CNTNAP2: variants seen among roughly 807,000 people sequenced by gnomAD.
The protein encoded by CNTNAP2 is contactin associated protein 2, also known as contactin-associated protein-like 2.
In CNTNAP2, 98 loss-of-function variants were observed where a neutral mutation model predicts 155.2. The ratio of observed to expected loss-of-function variants is 0.63; its 90% confidence interval spans 0.54 to 0.75. The LOEUF (loss-of-function observed/expected upper bound fraction) is 0.75. CNTNAP2 is among the 30% of genes least tolerant of loss of function. The probability of loss-of-function intolerance (pLI) is 0.00; values close to 1 mark genes in which losing one functional copy is unlikely to be tolerated. For missense variants in CNTNAP2, 1,727 were observed against 1,688.1 expected (o/e 1.02, Z -0.40); for synonymous variants, 651 against 631.2 (o/e 1.03, Z -0.47).
At chr7:148,327,576 T>G (rs1797914586) in intron 21 of CNTNAP2, among the ~76,000 whole-genome samples, 1 of 152,154 alleles carries the variant, frequency 6.6e-6, no homozygotes, top group South Asian at 2.1e-4. Context: ...ATGTAAATAG[T>G]GACAAAGACA....
At chr7:147,693,941 C>T (rs1314789419) in intron 13 of CNTNAP2, among the ~76,000 whole-genome samples, 2 of 152,104 alleles carry the variant, frequency 1.3e-5, no homozygotes, top group African/African-American at 2.4e-5. Flanking sequence ...AGGAGAACTT[C>T]AGGTTTCTAA....
chr7:146,545,567 C>T (rs992686705), intron 1 of CNTNAP2, among the ~76,000 whole-genome samples: 3 of 151,786 alleles, frequency 2.0e-5, no homozygotes, highest in African/African-American at 7.3e-5. Context: ...GTCCAACTCC[C>T]ACTTATGAGT....
At chr7:147,474,437 A>C (rs1412842697) in intron 10 of CNTNAP2, among the ~76,000 whole-genome samples, 2 of 152,102 alleles carry the variant, frequency 1.3e-5, no homozygotes, top group Admixed American at 6.5e-5. Flanking sequence ...TCTACTTAAA[A>C]TATAAAAATT....
chr7:148,181,265 A>G (rs552373897), intron 18 of CNTNAP2, among the ~76,000 whole-genome samples: 3 of 152,280 alleles, frequency 2.0e-5, no homozygotes, highest in Non-Finnish European at 4.4e-5. Context: ...TCGTATGTCT[A>G]TATCTATATA....
At chr7:148,005,354 T>A (rs932677856) in intron 15 of CNTNAP2, among the ~76,000 whole-genome samples, 1 of 152,098 alleles carries the variant, frequency 6.6e-6, no homozygotes, top group Non-Finnish European at 1.5e-5. Flanking sequence ...GCCATTACAT[T>A]GGTGATTAGG....
chr7:148,305,510 T>A (rs1378981864), intron 21 of CNTNAP2, among the ~76,000 whole-genome samples: 2 of 152,134 alleles, frequency 1.3e-5, no homozygotes, highest in Admixed American at 6.5e-5. Flanking sequence ...AAGAACTACA[T>A]GAGACTGGGT....
At chr7:147,243,683 C>A (rs1314458496) in intron 8 of CNTNAP2, among the ~76,000 whole-genome samples, 1 of 152,150 alleles carries the variant, frequency 6.6e-6, no homozygotes, top group Non-Finnish European at 1.5e-5. Flanking sequence ...TAAAAATATT[C>A]ATGTTAGGTG....
intron 13 of CNTNAP2, among the ~76,000 whole-genome samples, chr7:147,736,381 C>T (rs981715153): frequency 1.3e-5 from 2 of 152,146 alleles, no homozygotes; most frequent in African/African-American, 4.8e-5. Context: ...GAGTTTCTGC[C>T]AAGAGATCAG....
At chr7:147,157,771 A>G (rs1395684681) in intron 8 of CNTNAP2, among the ~76,000 whole-genome samples, 1 of 152,180 alleles carries the variant, frequency 6.6e-6, no homozygotes, top group Non-Finnish European at 1.5e-5. Flanking sequence ...GAACAAATGA[A>G]TGAATAAATG....
At chr7:147,730,688 A>G (rs1419711853) in intron 13 of CNTNAP2, among the ~76,000 whole-genome samples, 3 of 152,052 alleles carry the variant, frequency 2.0e-5, no homozygotes. Context: ...TTCAAGTGAA[A>G]AAAAGAGTCA....
At chr7:146,358,221 A>G (rs1795031588) in intron 1 of CNTNAP2, among the ~76,000 whole-genome samples, 1 of 151,912 alleles carries the variant, frequency 6.6e-6, no homozygotes, top group South Asian at 2.1e-4. Flanking sequence ...TTTTTAGTAG[A>G]GACGGGGTTT....
intron 1 of CNTNAP2, among the ~76,000 whole-genome samples, chr7:146,480,174 C>T (rs1276005909): frequency 6.6e-6 from 1 of 152,118 alleles, no homozygotes; most frequent in Non-Finnish European, 1.5e-5. Context: ...CCTGTCTAAA[C>T]TGCAATCTAC....
intron 1 of CNTNAP2, among the ~76,000 whole-genome samples, chr7:146,697,985 G>GTTTGCAATATACA (rs896737855): frequency 1.3e-5 from 2 of 151,688 alleles, no homozygotes; most frequent in Non-Finnish European, 2.9e-5. Context: ...TTACCTTAGC[G>GTTTGCAATATACA]TTTGCAATAT....
intron 13 of CNTNAP2, among the ~76,000 whole-genome samples, chr7:147,860,467 A>G (rs1799115443): frequency 6.6e-6 from 1 of 151,726 alleles, no homozygotes; most frequent in African/African-American, 2.4e-5. Flanking sequence ...GTGGGTGTCT[A>G]TAATCCCAGC....
intron 15 of CNTNAP2, 107 bp downstream of exon 15, chr7:147,978,096 T>C (rs968193840): frequency 1.4e-6 from 2 of 1,428,814 alleles, no homozygotes; most frequent in Admixed American, 3.8e-5. Context: ...CTGTAGCTCC[T>C]ACAGAAACAT....
intron 13 of CNTNAP2, among the ~76,000 whole-genome samples, chr7:147,776,149 T>C (rs912657338): frequency 6.6e-6 from 1 of 152,162 alleles, no homozygotes; most frequent in African/African-American, 2.4e-5. Flanking sequence ...TAGGAAGTGA[T>C]TTAAAACAGT....
chr7:147,731,208 A>C (rs1048382695), intron 13 of CNTNAP2, among the ~76,000 whole-genome samples: 12 of 152,202 alleles, frequency 7.9e-5, no homozygotes, highest in African/African-American at 1.2e-4. Context: ...GTTTCAATCT[A>C]GATGAAACAT....
At chr7:147,231,310 T>G (rs1005508677) in intron 8 of CNTNAP2, among the ~76,000 whole-genome samples, 1 of 152,228 alleles carries the variant, frequency 6.6e-6, no homozygotes, top group Non-Finnish European at 1.5e-5. Flanking sequence ...ATACAGCACA[T>G]TTTCTTTGTC....
intron 3 of CNTNAP2, among the ~76,000 whole-genome samples, chr7:146,959,526 C>A (rs1584749700): frequency 6.6e-6 from 1 of 151,514 alleles, no homozygotes; most frequent in East Asian, 2.0e-4. Flanking sequence ...TCGAGACCAG[C>A]CTGACCAAAA....
Sources: allele counts gnomAD v4.1 joint callset (sites outside exome capture counted in the v4.1 genomes callset), GRCh38; gene constraint gnomAD v4.1.1; transcripts MANE v1.5; gene names NCBI Gene and HGNC (gene_info 2026-07-23, HGNC 2026-07-21).